The following MAP2K4 variants were observed in gnomAD, a reference collection of about 807,000 sequenced individuals.
MAP2K4 encodes the protein dual specificity mitogen-activated protein kinase kinase 4.
MAP2K4 carries 4 observed loss-of-function variants against 48.5 expected under a neutral mutation model. That is an observed-to-expected ratio of 0.08 (90% CI 0.04 to 0.19). The LOEUF (loss-of-function observed/expected upper bound fraction) is 0.19, where lower values mean the gene tolerates loss of function less well. Ranked by LOEUF, MAP2K4 falls within the 10% of genes least tolerant of loss-of-function variation. The pLI, the probability that MAP2K4 is intolerant of heterozygous loss-of-function variation, is 1.00. For synonymous variants in MAP2K4, 166 were observed against 173.1 expected, an observed-to-expected ratio of 0.96 and a Z score of 0.32; for missense variants, 258 against 493.3, an observed-to-expected ratio of 0.52 and a Z score of 4.52.
In MAP2K4 at chr17:12,128,346, G is replaced by C. The variant is rs570064372; in HGVS notation, c.892-793G>C. ...CCCGCCTCGGCATCCCAAAGTGGTG[G>C]GATTACAGGCGTGAGCCACTGTGCC... On this transcript the variant is annotated intron_variant, in intron 8 of 10. Transcript: ENST00000353533. 2.0e-3 allele frequency among the ~76,000 whole-genome samples: 306 copies of C among 152,316 alleles called. 1 individual carries two copies. Among genetic ancestry groups the C allele is most frequent in the African/African-American group, 7.1e-3 (295 of 41,560 alleles).
intron 5 of MAP2K4, among the ~76,000 whole-genome samples, chr17:12,108,897 T>G (rs570762970): frequency 2.0e-5 from 3 of 152,084 alleles, no homozygotes. Flanking sequence ...TTTAGCGGGG[T>G]ATATGAAATT....
chr17:12,025,022 G>A (rs1359609730), intron 1 of MAP2K4, among the ~76,000 whole-genome samples: 1 of 152,198 alleles, frequency 6.6e-6, no homozygotes, highest in Non-Finnish European at 1.5e-5. Flanking sequence ...CTTGCCAGTT[G>A]AGAATTCAAC....
chr17:12,055,014 G>A (rs1315617411), intron 2 of MAP2K4, 23 bp downstream of exon 2: 1 of 1,437,788 alleles, frequency 7.0e-7, no homozygotes, highest in Non-Finnish European at 9.7e-7. Context: ...GGTAATCAAA[G>A]GCTCAACTCA....
chr17:12,068,784 T>TGC (rs35333421), intron 2 of MAP2K4, among the ~76,000 whole-genome samples: 1 of 151,708 alleles, frequency 6.6e-6, no homozygotes, highest in East Asian at 1.9e-4. Context: ...TGTATATGTA[T>TGC]TTATGTATAC....
chr17:12,138,374 A>G (rs1040829729), intron 9 of MAP2K4, among the ~76,000 whole-genome samples: 1 of 152,194 alleles, frequency 6.6e-6, no homozygotes, highest in African/African-American at 2.4e-5. Flanking sequence ...TATATGTATT[A>G]TATACTGTAT....
At chr17:12,123,509 A>G (rs934070017) in intron 7 of MAP2K4, among the ~76,000 whole-genome samples, 2 of 151,396 alleles carry the variant, frequency 1.3e-5, no homozygotes, top group African/African-American at 2.4e-5. Flanking sequence ...ACTTTTCTCT[A>G]TTGTTTTTCT....
chr17:12,031,124 A>T (rs1232711267), intron 1 of MAP2K4, among the ~76,000 whole-genome samples: 1 of 152,206 alleles, frequency 6.6e-6, no homozygotes, highest in Non-Finnish European at 1.5e-5. Context: ...TTGCCCTAGT[A>T]CTTCTTTCCC....
At chr17:12,115,565 G>A in intron 7 of MAP2K4, 2 of 691,964 alleles carry the variant, frequency 2.9e-6, no homozygotes, top group South Asian at 1.4e-5. Flanking sequence ...CTACCAGGCT[G>A]CGGAGGAGAC....
At chr17:12,058,701 G>A (rs12150110) in intron 2 of MAP2K4, among the ~76,000 whole-genome samples, 12,831 of 152,114 alleles carry the variant, frequency 0.084, 672 homozygotes, top group Non-Finnish European at 0.11. Flanking sequence ...AATCTCAGAT[G>A]TTATGCAATC....
At chr17:12,052,689 CA>C (rs1243388305) in intron 1 of MAP2K4, among the ~76,000 whole-genome samples, 6 of 152,276 alleles carry the variant, frequency 3.9e-5, no homozygotes, top group Non-Finnish European at 8.8e-5. Flanking sequence ...GTTTCAAACA[CA>C]GACTACATGA....
intron 3 of MAP2K4, among the ~76,000 whole-genome samples, chr17:12,088,532 A>C (rs1260736702): frequency 6.9e-5 from 6 of 87,284 alleles, no homozygotes; most frequent in Non-Finnish European, 1.5e-4. Flanking sequence ...AATATATAAT[A>C]TATATTAAAT....
intron 2 of MAP2K4, among the ~76,000 whole-genome samples, chr17:12,071,192 G>C (rs540284729): frequency 6.6e-6 from 1 of 152,088 alleles, no homozygotes; most frequent in Non-Finnish European, 1.5e-5. Context: ...AATTTTATCC[G>C]TAAAGATAGG....
At chr17:12,101,952 A>G (rs1375579108) in intron 4 of MAP2K4, among the ~76,000 whole-genome samples, 1 of 152,092 alleles carries the variant, frequency 6.6e-6, no homozygotes, top group Non-Finnish European at 1.5e-5. Context: ...GTCTGTGAAT[A>G]AAGAGAGTTA....
At chr17:12,108,319 A>G (rs1972191903) in intron 5 of MAP2K4, among the ~76,000 whole-genome samples, 1 of 152,108 alleles carries the variant, frequency 6.6e-6, no homozygotes. Context: ...GTGATTTAAG[A>G]TTTTGGTTAC....
At position 12,062,596 on chromosome 17, in the gene MAP2K4, T is replaced by C. The variant is rs1235593951; in HGVS notation, c.218+7605T>C. On this transcript the variant is annotated intron_variant, in intron 2 of 10. Transcript: ENST00000353533. ...TTCCTGCCTCGGCCTCCCAGAGTGC[T>C]GGAATTACAGGCATGAACCACTGCC... 4.6e-5 allele frequency among the ~76,000 whole-genome samples: 7 copies of C among 152,222 alleles called. No homozygotes were observed. In the East Asian group the frequency reaches 1.3e-3, roughly 29 times the overall value.
At chr17:12,043,094 G>A (rs555459033) in intron 1 of MAP2K4, among the ~76,000 whole-genome samples, 2 of 151,980 alleles carry the variant, frequency 1.3e-5, no homozygotes, top group Non-Finnish European at 2.9e-5. Context: ...CTAGGTATTT[G>A]AAGGACATCT....
At chr17:12,107,249 A>G (rs2151572115) in intron 4 of MAP2K4, among the ~76,000 whole-genome samples, 1 of 152,196 alleles carries the variant, frequency 6.6e-6, no homozygotes, top group Non-Finnish European at 1.5e-5. Context: ...GCTTTACAGA[A>G]CAGAGCAGGA....
intron 3 of MAP2K4, among the ~76,000 whole-genome samples, chr17:12,088,575 A>ATAATATATAATATATATTAAATATATATT (rs1567653791): frequency 7.2e-6 from 1 of 138,072 alleles, no homozygotes; most frequent in Non-Finnish European, 1.5e-5. Flanking sequence ...TTAAATATAT[A>ATAATATATAATATATATTAAATATATATT]ATATATAATA....
At chr17:12,113,521 G>T (rs1972378369) in intron 7 of MAP2K4, among the ~76,000 whole-genome samples, 161 bp downstream of exon 7, 1 of 152,158 alleles carries the variant, frequency 6.6e-6, no homozygotes, top group Non-Finnish European at 1.5e-5. Context: ...ATGAAACTTT[G>T]CTAAATTATC....
Sources: allele counts gnomAD v4.1 joint callset (sites outside exome capture counted in the v4.1 genomes callset), GRCh38; gene constraint gnomAD v4.1.1; transcripts MANE v1.5; gene names NCBI Gene and HGNC (gene_info 2026-07-23, HGNC 2026-07-21).